The following KCNAB1 variants were observed in gnomAD, a reference collection of about 807,000 sequenced individuals.
KCNAB1 encodes the protein voltage-gated potassium channel subunit beta-1.
KCNAB1 carries 35 observed loss-of-function variants against 64.6 expected under a neutral mutation model. That is an observed-to-expected ratio of 0.54 (90% CI 0.41 to 0.72). The LOEUF (loss-of-function observed/expected upper bound fraction) is 0.72. Ranked by LOEUF, KCNAB1 falls within the 30% of genes least tolerant of loss-of-function variation. The probability of loss-of-function intolerance (pLI) is 0.00; values close to 1 mark genes in which losing one functional copy is unlikely to be tolerated. For missense variants in KCNAB1, 401 were observed against 512.9 expected (o/e 0.78, Z 2.11); for synonymous variants, 177 against 183.8 (o/e 0.96, Z 0.30).
At position 156,151,041 on chromosome 3, in the gene KCNAB1, A is replaced by G. The variant is rs369442547; in HGVS notation, c.275+30155A>G. The stretch of plus-strand genomic sequence containing the variant: ...CATCTCATCCCCTACCATCTTTCAG[A>G]GAATATTCTGTTGGTGTCAGCCCCA... On this transcript the variant is annotated intron_variant, in intron 1 of 13. Coordinates refer to ENST00000490337, the MANE Select transcript of KCNAB1 (RefSeq NM_172160.3). Among the ~76,000 whole-genome samples, 30 of 152,238 alleles carry G rather than the reference A, an allele frequency of 2.0e-4. 1 individual carries two copies. In the East Asian group the frequency reaches 5.6e-3, roughly 28 times the overall value.
At chr3:156,469,248 C>CTTTTTTTTTTTTTTTTTTT (rs34567814) in intron 7 of KCNAB1, among the ~76,000 whole-genome samples, 20 of 72,958 alleles carry the variant, frequency 2.7e-4, no homozygotes, top group South Asian at 5.9e-4. Flanking sequence ...TTCTTTCTTT[C>CTTTTTTTTTTTTTTTTTTT]TTTTTTTTTT....
intron 2 of KCNAB1, among the ~76,000 whole-genome samples, chr3:156,446,588 A>G (rs1184527062): frequency 6.6e-6 from 1 of 152,188 alleles, no homozygotes; most frequent in Non-Finnish European, 1.5e-5. Context: ...CTATATTGAA[A>G]TGTGTTGAAT....
intron 1 of KCNAB1, among the ~76,000 whole-genome samples, chr3:156,141,163 A>G (rs973507433): frequency 6.6e-6 from 1 of 152,132 alleles, no homozygotes; most frequent in African/African-American, 2.4e-5. Context: ...GTTTCCCCAA[A>G]TGATGGTATC....
chr3:156,317,749 C>A (rs1722375125), intron 1 of KCNAB1, among the ~76,000 whole-genome samples: 1 of 152,174 alleles, frequency 6.6e-6, no homozygotes, highest in African/African-American at 2.4e-5. Context: ...TATCCCAGCC[C>A]TCACACTTTT....
chr3:156,149,790 A>G (rs1196836478), intron 1 of KCNAB1, among the ~76,000 whole-genome samples: 1 of 152,162 alleles, frequency 6.6e-6, no homozygotes, highest in Non-Finnish European at 1.5e-5. Context: ...GAAGTTGAAA[A>G]TTACATTTGT....
chr3:156,191,987 C>T (rs952855748), intron 1 of KCNAB1, among the ~76,000 whole-genome samples: 1 of 152,152 alleles, frequency 6.6e-6, no homozygotes, highest in Admixed American at 6.5e-5. Context: ...TTGGAATGTC[C>T]CTCTCTGTTC....
chr3:156,265,670 A>G (rs1050639036), intron 1 of KCNAB1, among the ~76,000 whole-genome samples: 7 of 152,216 alleles, frequency 4.6e-5, no homozygotes, highest in Non-Finnish European at 8.8e-5. Context: ...TGGATGGTAG[A>G]TCCCAAAAGA....
rs190431825 is a variant in KCNAB1 at position 156,345,040 on chromosome 3, G to A, written c.276-76576G>A. Among the ~76,000 whole-genome samples the A allele has an allele frequency of 3.3e-5, 5 of 152,310 alleles. No individual in the cohort carries two copies. In the East Asian group the frequency reaches 9.6e-4, roughly 29 times the overall value. Reference sequence around the variant, plus strand: ...AACTACTCATATAAACAGATAAGTAGCATAATTTGTTTTATTTACTTGTAC... The same window carrying A: ...AACTACTCATATAAACAGATAAGTAACATAATTTGTTTTATTTACTTGTAC... On this transcript the variant is annotated intron_variant, in intron 1 of 13. Transcript: ENST00000490337.
chr3:156,469,398 A>G (rs566645768), intron 7 of KCNAB1, among the ~76,000 whole-genome samples: 62 of 151,684 alleles, frequency 4.1e-4, no homozygotes, highest in African/African-American at 1.5e-3. Flanking sequence ...CTGGGACTAC[A>G]GTCATGTGCC....
chr3:156,231,074 C>A (rs1057289777), intron 1 of KCNAB1, among the ~76,000 whole-genome samples: 1 of 152,054 alleles, frequency 6.6e-6, no homozygotes, highest in Non-Finnish European at 1.5e-5. Flanking sequence ...ACAGGTGTAC[C>A]CTTTCCATCC....
At chr3:156,310,607 T>C (rs554514777) in intron 1 of KCNAB1, among the ~76,000 whole-genome samples, 2 of 152,010 alleles carry the variant, frequency 1.3e-5, no homozygotes, top group Non-Finnish European at 2.9e-5. Context: ...TTCGAGACCA[T>C]CCTGGCTAAC....
intron 1 of KCNAB1, among the ~76,000 whole-genome samples, chr3:156,344,279 G>A (rs995471637): frequency 2.6e-5 from 4 of 152,192 alleles, no homozygotes; most frequent in Admixed American, 2.0e-4. Flanking sequence ...TAAGGAAAAG[G>A]GGAGAAATTT....
intron 1 of KCNAB1, among the ~76,000 whole-genome samples, chr3:156,216,137 A>C (rs1159941707): frequency 6.6e-6 from 1 of 152,154 alleles, no homozygotes; most frequent in Non-Finnish European, 1.5e-5. Flanking sequence ...TTATTATTTT[A>C]ACTTAGGCAA....
intron 1 of KCNAB1, among the ~76,000 whole-genome samples, chr3:156,374,526 G>A (rs964168288): frequency 7.4e-6 from 1 of 135,238 alleles, no homozygotes; most frequent in Non-Finnish European, 1.5e-5. Context: ...CAATATTGAG[G>A]CTTAATTCCT....
intron 8 of KCNAB1, among the ~76,000 whole-genome samples, chr3:156,477,182 A>G (rs1444007483): frequency 6.6e-6 from 1 of 152,202 alleles, no homozygotes; most frequent in Non-Finnish European, 1.5e-5. Flanking sequence ...AAAAATCTTC[A>G]AAGTGTTTTA....
intron 1 of KCNAB1, among the ~76,000 whole-genome samples, chr3:156,153,210 C>T (rs1182552650): frequency 1.3e-5 from 2 of 152,196 alleles, no homozygotes; most frequent in African/African-American, 4.8e-5. Context: ...ATAGTCTCCC[C>T]AGCGCTCACT....
At chr3:156,192,694 G>A (rs192691607) in intron 1 of KCNAB1, among the ~76,000 whole-genome samples, 52 of 152,038 alleles carry the variant, frequency 3.4e-4, no homozygotes, top group Non-Finnish European at 5.4e-4. Context: ...ATTTAGGTTC[G>A]TTATGTCTTA....
chr3:156,245,837 A>G (rs909158119), intron 1 of KCNAB1, among the ~76,000 whole-genome samples: 5 of 152,168 alleles, frequency 3.3e-5, no homozygotes, highest in Non-Finnish European at 7.3e-5. Flanking sequence ...CCTTTAAAAA[A>G]TCAGCCCAGA....
intron 1 of KCNAB1, among the ~76,000 whole-genome samples, chr3:156,305,530 C>T (rs1721439807): frequency 6.6e-6 from 1 of 152,160 alleles, no homozygotes; most frequent in African/African-American, 2.4e-5. Flanking sequence ...GGGCTTCTTT[C>T]CTTTGGAAAT....
Sources: gnomAD v4.1 joint callset for allele counts (sites outside exome capture counted in the v4.1 genomes callset) on GRCh38, gnomAD v4.1.1 for gene constraint, MANE v1.5 for transcripts, NCBI Gene and HGNC (gene_info 2026-07-23, HGNC 2026-07-21) for gene names.